Variants in NRXN3 observed in about 807,000 individuals in gnomAD.
NRXN3 encodes neurexin 3.
In NRXN3, 32 loss-of-function variants were observed where a neutral mutation model predicts 137.6. The observed-to-expected ratio is 0.23, with a 90% CI of 0.18 to 0.31. NRXN3 has a LOEUF of 0.31. NRXN3 is among the 10% of genes least tolerant of loss of function. The pLI, the probability that NRXN3 is intolerant of heterozygous loss-of-function variation, is 1.00. For synonymous variants in NRXN3, 798 were observed against 784.5 expected, an observed-to-expected ratio of 1.02 and a Z score of -0.29; for missense variants, 1,574 against 2,062.5, an observed-to-expected ratio of 0.76 and a Z score of 4.59.
At chr14:79,116,661 G>A (rs923091572) in intron 15 of NRXN3, among the ~76,000 whole-genome samples, 2 of 152,138 alleles carry the variant, frequency 1.3e-5, no homozygotes, top group African/African-American at 4.8e-5. Flanking sequence ...CCTTAATGAT[G>A]ATGTTTCTCT....
chr14:79,848,502 G>A (rs1273636312), intron 20 of NRXN3, among the ~76,000 whole-genome samples: 2 of 151,928 alleles, frequency 1.3e-5, no homozygotes, highest in African/African-American at 2.4e-5. Context: ...TTTATGTGTG[G>A]CCCAAGACAA....
At chr14:78,207,207 C>A (rs1304007756) in intron 1 of NRXN3, among the ~76,000 whole-genome samples, 1 of 152,176 alleles carries the variant, frequency 6.6e-6, no homozygotes, top group East Asian at 1.9e-4. Flanking sequence ...AGCCACAGAT[C>A]TACAGGGTGT....
chr14:78,795,584 A>ATTAC (rs5809906), intron 8 of NRXN3, among the ~76,000 whole-genome samples: 145,285 of 152,128 alleles, frequency 0.96, 69,718 homozygotes, highest in East Asian at 1. Context: ...AATAAAATTA[A>ATTAC]TTATATCCTC....
At chr14:79,811,183 T>C (rs1218393307) in intron 20 of NRXN3, among the ~76,000 whole-genome samples, 1 of 152,194 alleles carries the variant, frequency 6.6e-6, no homozygotes, top group African/African-American at 2.4e-5. Context: ...GATCTATAAA[T>C]TCAATGGTCT....
At chr14:78,679,125 T>C (rs985730293) in intron 6 of NRXN3, among the ~76,000 whole-genome samples, 1 of 152,198 alleles carries the variant, frequency 6.6e-6, no homozygotes, top group Middle Eastern at 3.2e-3. Context: ...TTATAAATGA[T>C]TGTTTTCATA....
At chr14:78,265,748 T>C (rs929999245) in intron 2 of NRXN3, among the ~76,000 whole-genome samples, 3 of 152,188 alleles carry the variant, frequency 2.0e-5, no homozygotes, top group East Asian at 1.9e-4. Context: ...AGCTCCAAAA[T>C]TGTCCAGCTG....
rs533309909 is a variant in NRXN3, at chr14:78,805,601, A to G, written c.2248+1778A>G. On this transcript the variant is annotated intron_variant, in intron 9 of 20. Transcript: ENST00000335750. ...TTATCTCCTCAGAAAAAAACAACAG[A>G]AAAAAAAAAAAAACAGAACCAAATA... 4.2e-5 allele frequency among the ~76,000 whole-genome samples: 5 copies of G among 118,874 alleles called. No homozygotes were observed. In the East Asian group the frequency reaches 1.3e-3, roughly 31 times the overall value. 78.0% of individuals were successfully genotyped at this position (118,874 alleles called of 152,430 possible).
At chr14:79,729,506 C>A (rs1264401663) in intron 19 of NRXN3, among the ~76,000 whole-genome samples, 1 of 152,128 alleles carries the variant, frequency 6.6e-6, no homozygotes, top group African/African-American at 2.4e-5. Context: ...CAGTTAGGGT[C>A]TTTTATTTCT....
At chr14:79,768,527 T>A (rs367895965) in intron 19 of NRXN3, among the ~76,000 whole-genome samples, 1 of 152,036 alleles carries the variant, frequency 6.6e-6, no homozygotes, top group East Asian at 1.9e-4. Context: ...ACACCTCACA[T>A]GGCAGGGTAC....
intron 20 of NRXN3, among the ~76,000 whole-genome samples, chr14:79,838,475 T>TA (rs767606377): frequency 9.2e-5 from 14 of 152,328 alleles, no homozygotes; most frequent in Non-Finnish European, 1.8e-4. Flanking sequence ...TTTAGATAGA[T>TA]ACCTCATATG....
chr14:78,528,413 C>T (rs113050333), intron 4 of NRXN3, among the ~76,000 whole-genome samples: 18 of 152,260 alleles, frequency 1.2e-4, no homozygotes, highest in South Asian at 4.2e-4. Context: ...CCCCACCTGA[C>T]GTTTCCAGGT....
intron 19 of NRXN3, among the ~76,000 whole-genome samples, chr14:79,781,857 C>G (rs926665269): frequency 6.6e-6 from 1 of 152,174 alleles, no homozygotes; most frequent in Non-Finnish European, 1.5e-5. Context: ...ATTTACTTGT[C>G]TATTCTATGG....
At chr14:78,983,853 T>TA (rs1303107836) in intron 14 of NRXN3, among the ~76,000 whole-genome samples, 14 of 136,922 alleles carry the variant, frequency 1.0e-4, no homozygotes, top group African/African-American at 4.3e-4. Context: ...AAGATTCCAT[T>TA]TAAAAAAAAA....
At chr14:79,467,170 G>T in intron 15 of NRXN3, 51 bp from the exon 16 acceptor site, 1 of 1,530,056 alleles carries the variant, frequency 6.5e-7, no homozygotes, top group Non-Finnish European at 8.9e-7. Flanking sequence ...GCTACAGCTG[G>T]CTGTATGCAA....
At chr14:78,635,540 A>G (rs2097560017) in intron 4 of NRXN3, among the ~76,000 whole-genome samples, 1 of 152,116 alleles carries the variant, frequency 6.6e-6, no homozygotes, top group Non-Finnish European at 1.5e-5. Flanking sequence ...TTTTGTTTGT[A>G]TGAAAATTAT....
chr14:79,331,296 TA>T (rs2091648825), intron 15 of NRXN3, among the ~76,000 whole-genome samples: 1 of 152,204 alleles, frequency 6.6e-6, no homozygotes, highest in South Asian at 2.1e-4. Flanking sequence ...GCACAAGGTA[TA>T]AAAGTTGCTT....
intron 15 of NRXN3, among the ~76,000 whole-genome samples, chr14:79,006,547 G>T (rs1346440805): frequency 2.0e-5 from 3 of 151,828 alleles, no homozygotes; most frequent in Admixed American, 2.0e-4. Flanking sequence ...TATAAGATTT[G>T]ATTATTATTC....
intron 20 of NRXN3, among the ~76,000 whole-genome samples, chr14:79,825,707 T>G (rs544213283): frequency 6.6e-6 from 1 of 152,228 alleles, no homozygotes; most frequent in Non-Finnish European, 1.5e-5. Flanking sequence ...TTTCATGTTA[T>G]ATAGTCTGAG....
At chr14:79,267,360 A>ATTTTT (rs398043882) in intron 15 of NRXN3, among the ~76,000 whole-genome samples, 143 of 143,032 alleles carry the variant, frequency 1.0e-3, no homozygotes, top group African/African-American at 3.6e-3. Context: ...AGATCATTTA[A>ATTTTT]TTTTTTTTTT....
Sources: allele counts gnomAD v4.1 joint callset (sites outside exome capture counted in the v4.1 genomes callset), GRCh38; gene constraint gnomAD v4.1.1; transcripts MANE v1.5; gene names NCBI Gene and HGNC (gene_info 2026-07-23, HGNC 2026-07-21).